Variants in KALRN observed in about 807,000 individuals in gnomAD.
The protein encoded by KALRN is kalirin RhoGEF kinase.
In KALRN, 70 loss-of-function variants were observed where a neutral mutation model predicts 353.7. The observed-to-expected ratio is 0.20, with a 90% CI of 0.16 to 0.24. The LOEUF is 0.24. Ranked by LOEUF, KALRN falls within the 10% of genes least tolerant of loss-of-function variation. The pLI, the probability that KALRN is intolerant of heterozygous loss-of-function variation, is 1.00. For synonymous variants in KALRN, 1,391 were observed against 1,434.8 expected, an observed-to-expected ratio of 0.97 and a Z score of 0.69; for missense variants, 2,791 against 3,756.7, an observed-to-expected ratio of 0.74 and a Z score of 6.72.
At chr3:124,595,552 G>C (rs183625960) in intron 34 of KALRN, among the ~76,000 whole-genome samples, 137 of 152,164 alleles carry the variant, frequency 9.0e-4, no homozygotes, top group African/African-American at 3.0e-3. Context: ...GATTTTTGCT[G>C]TTATAAACAC....
chr3:124,286,351 T>G (rs2075907472), intron 5 of KALRN, among the ~76,000 whole-genome samples: 1 of 151,188 alleles, frequency 6.6e-6, no homozygotes, highest in Non-Finnish European at 1.5e-5. Flanking sequence ...TTCAAGCAAT[T>G]CTCCCACCTC....
At chr3:124,368,467 G>A (rs543499284) in intron 10 of KALRN, among the ~76,000 whole-genome samples, 3 of 149,566 alleles carry the variant, frequency 2.0e-5, no homozygotes, top group African/African-American at 4.9e-5. Flanking sequence ...GACGATGGGC[G>A]GCCGGGCAGA....
chr3:124,219,794 A>G (rs975139448), intron 1 of KALRN, among the ~76,000 whole-genome samples: 2 of 151,768 alleles, frequency 1.3e-5, no homozygotes, highest in Admixed American at 1.3e-4. Context: ...GCACAGGTAG[A>G]TTTTCAGGTT....
chr3:124,390,619 T>C lies in KALRN; in HGVS notation c.1963-4516T>C, dbSNP rs145816499. On this transcript the variant is annotated intron_variant, in intron 11 of 59. Coordinates refer to ENST00000682506, the MANE Select transcript of KALRN (RefSeq NM_001388419.1). Reference sequence around the variant, plus strand: ...TGGTTGATGTCCAGGAAAAATTATCTTTTCAAAATGAGGGAAGAGGAGGTT... The same window carrying C: ...TGGTTGATGTCCAGGAAAAATTATCCTTTCAAAATGAGGGAAGAGGAGGTT... Among the ~76,000 whole-genome samples the C allele has an allele frequency of 6.5e-3, 983 of 152,262 alleles. 6 individuals are homozygous for C. Among genetic ancestry groups the C allele is most frequent in the Non-Finnish European group, 0.01 (712 of 68,016 alleles).
intron 34 of KALRN, among the ~76,000 whole-genome samples, chr3:124,598,032 G>A (rs1380008521): frequency 6.6e-6 from 1 of 152,318 alleles, no homozygotes; most frequent in East Asian, 1.9e-4. Context: ...AATCTGGAGG[G>A]CCAAGGACCC....
intron 9 of KALRN, among the ~76,000 whole-genome samples, chr3:124,344,383 A>G (rs1046110454): frequency 6.6e-6 from 1 of 152,258 alleles, no homozygotes; most frequent in Non-Finnish European, 1.5e-5. Flanking sequence ...CAGGATCTGC[A>G]TGGAAAGTCA....
At chr3:124,119,136 T>C (rs906771867) in intron 1 of KALRN, among the ~76,000 whole-genome samples, 1 of 151,312 alleles carries the variant, frequency 6.6e-6, no homozygotes, top group Middle Eastern at 3.4e-3. Flanking sequence ...GTGTGTAGAT[T>C]TGAGACCTGC....
At chr3:124,065,971 T>C (rs1157826283) in intron 1 of KALRN, among the ~76,000 whole-genome samples, 1 of 152,036 alleles carries the variant, frequency 6.6e-6, no homozygotes, top group Non-Finnish European at 1.5e-5. Flanking sequence ...CACTTTCCAG[T>C]TTTGGTGAGT....
At chr3:124,596,354 C>A (rs1022474927) in intron 34 of KALRN, among the ~76,000 whole-genome samples, 16 of 152,000 alleles carry the variant, frequency 1.1e-4, no homozygotes, top group Non-Finnish European at 1.6e-4. Flanking sequence ...GTAATCACAG[C>A]TACTTGGGAG....
chr3:124,240,928 G>A (rs2080359972), intron 3 of KALRN, among the ~76,000 whole-genome samples: 1 of 152,154 alleles, frequency 6.6e-6, no homozygotes, highest in East Asian at 1.9e-4. Context: ...TCCCCTAAAG[G>A]AGGTCAGTAA....
chr3:124,258,296 C>T (rs1274388436), intron 3 of KALRN, among the ~76,000 whole-genome samples: 1 of 152,188 alleles, frequency 6.6e-6, no homozygotes, highest in Admixed American at 6.5e-5. Context: ...CCCCAGCACC[C>T]CACTGAAATT....
chr3:124,340,945 G>T (rs2081638794), intron 9 of KALRN, among the ~76,000 whole-genome samples: 1 of 152,062 alleles, frequency 6.6e-6, no homozygotes, highest in African/African-American at 2.4e-5. Context: ...AACAGAGAGA[G>T]ACTTCATTTC....
At chr3:124,553,571 A>G (rs1372211108) in intron 33 of KALRN, among the ~76,000 whole-genome samples, 1 of 152,168 alleles carries the variant, frequency 6.6e-6, no homozygotes, top group African/African-American at 2.4e-5. Flanking sequence ...CTCTCTCTCT[A>G]ACCATGAATT....
intron 34 of KALRN, among the ~76,000 whole-genome samples, chr3:124,586,114 G>C (rs1578159294): frequency 6.6e-6 from 1 of 152,324 alleles, no homozygotes; most frequent in South Asian, 2.1e-4. Context: ...GCCTGGAACC[G>C]TGTGGTTTTG....
intron 14 of KALRN, among the ~76,000 whole-genome samples, chr3:124,418,599 G>A (rs2150325254): frequency 6.6e-6 from 1 of 152,282 alleles, no homozygotes; most frequent in Non-Finnish European, 1.5e-5. Context: ...ACAAGTATGG[G>A]CAGCATAGCC....
intron 10 of KALRN, among the ~76,000 whole-genome samples, chr3:124,368,130 A>T (rs376199199): frequency 4.7e-5 from 1 of 21,132 alleles, no homozygotes; most frequent in Non-Finnish European, 9.1e-5. Flanking sequence ...GCAGCTGGCC[A>T]GGCGGGGGGC....
intron 34 of KALRN, chr3:124,584,559 G>T: frequency 8.0e-7 from 1 of 1,247,310 alleles, no homozygotes; most frequent in Admixed American, 3.6e-5. Context: ...TGAGGCTCCG[G>T]CCGCTGCTGG....
chr3:124,057,501 G>A (rs1288107873), intron 1 of KALRN, among the ~76,000 whole-genome samples: 1 of 152,126 alleles, frequency 6.6e-6, no homozygotes, highest in Non-Finnish European at 1.5e-5. Flanking sequence ...AGCATCCAGG[G>A]CATCTGCAGA....
At chr3:124,332,945 T>G (rs2080748894) in intron 8 of KALRN, among the ~76,000 whole-genome samples, 1 of 152,106 alleles carries the variant, frequency 6.6e-6, no homozygotes, top group Non-Finnish European at 1.5e-5. Context: ...AAGACATACC[T>G]GAGACTGGGT....
Sources: gnomAD v4.1 joint callset for allele counts (sites outside exome capture counted in the v4.1 genomes callset) on GRCh38, gnomAD v4.1.1 for gene constraint, MANE v1.5 for transcripts, NCBI Gene and HGNC (gene_info 2026-07-23, HGNC 2026-07-21) for gene names.